AMOTL2: variants seen among roughly 807,000 people sequenced by gnomAD.
AMOTL2 encodes the protein angiomotin-like protein 2.
Under a neutral mutation model 78.4 loss-of-function variants are expected in AMOTL2, and 33 were observed. The observed-to-expected ratio is 0.42, with a 90% CI of 0.32 to 0.56. The LOEUF is 0.56. AMOTL2 is among the 20% of genes least tolerant of loss of function. The pLI is 0.12. For missense variants in AMOTL2, 983 were observed against 1,030.1 expected (o/e 0.95, Z 0.63); for synonymous variants, 422 against 428.8 (o/e 0.98, Z 0.20).
chr3:134,373,840 G>A (rs2017979956), intron 1 of AMOTL2: 1 of 985,138 alleles, frequency 1.0e-6, no homozygotes, highest in Non-Finnish European at 1.2e-6. Context: ...GGGCTGGACA[G>A]CAGGCTGCAT....
intron 6 of AMOTL2, among the ~76,000 whole-genome samples, chr3:134,361,145 T>C (rs2017340487): frequency 6.6e-6 from 1 of 151,562 alleles, no homozygotes; most frequent in South Asian, 2.1e-4. Context: ...CACTCCAGCC[T>C]GGGCGACAGA....
At chr3:134,370,122 T>C (rs1419513888) in intron 2 of AMOTL2, among the ~76,000 whole-genome samples, 2 of 152,198 alleles carry the variant, frequency 1.3e-5, no homozygotes, top group African/African-American at 2.4e-5. Context: ...CCCAGAATCC[T>C]TTCCCACTGC....
rs199588964 is a variant in AMOTL2, at chr3:134,370,992, G to A, written c.442C>T (p.Arg148Trp). The A allele has an allele frequency of 9.3e-5, 149 of 1,602,778 alleles. No individual in the cohort carries two copies. The Middle Eastern group carries it at 2.5e-3, about 27-fold the overall frequency. The change falls in exon 2 of 10, where the codon CGG (arginine) becomes TGG (tryptophan). Residue 148 changes from arginine (R) to tryptophan (W), a missense_variant. Physicochemically the swap from Arg to Trp is moderately radical, Grantham distance 101. Coordinates refer to ENST00000249883, the MANE Select transcript of AMOTL2 (RefSeq NM_016201.4). The part of the protein sequence containing the change: ...GGSRRQDEAL[R>W]ELRHGHVRSL... The stretch of plus-strand genomic sequence containing the variant: ...CGCACGTGCCCATGCCTCAGCTCCC[G>A]CAGGGCCTCGTCCTGCCTCCGACTG...
intron 3 of AMOTL2, 21 bp downstream of exon 3, chr3:134,367,476 T>C (rs1368609360): frequency 6.2e-7 from 1 of 1,608,394 alleles, no homozygotes; most frequent in Non-Finnish European, 8.5e-7. Context: ...TCTGCCCTTC[T>C]GAAGCCCCAG....
chr3:134,365,567 G>C (rs901945633), intron 5 of AMOTL2, among the ~76,000 whole-genome samples: 4 of 152,192 alleles, frequency 2.6e-5, no homozygotes, highest in African/African-American at 9.7e-5. Flanking sequence ...GCAAATCACT[G>C]CTCCCTGGCT....
intron 1 of AMOTL2, among the ~76,000 whole-genome samples, chr3:134,372,548 C>CACACACACACACACACACACAA (rs1268109465): frequency 2.6e-5 from 4 of 151,744 alleles, no homozygotes; most frequent in African/African-American, 9.7e-5. Flanking sequence ...CACACACACA[C>CACACACACACACACACACACAA]ACACACACAA....
At chr3:134,369,596 C>T (rs1005831341) in intron 2 of AMOTL2, among the ~76,000 whole-genome samples, 1 of 152,216 alleles carries the variant, frequency 6.6e-6, no homozygotes, top group African/African-American at 2.4e-5. Context: ...AACTATGAGG[C>T]TCCAACCTCT....
chr3:134,358,484 C>T, intron 9 of AMOTL2, 56 bp downstream of exon 9: 1 of 1,557,088 alleles, frequency 6.4e-7, no homozygotes, highest in Non-Finnish European at 8.7e-7. Flanking sequence ...TTCCAGTTCA[C>T]ACCCCAGTGC....
intron 3 of AMOTL2, chr3:134,366,806 C>T (rs1190494267): frequency 1.1e-5 from 2 of 183,824 alleles, no homozygotes; most frequent in Non-Finnish European, 2.2e-5. Flanking sequence ...GAAGTGGGCA[C>T]CGAAAGACTC....
At chr3:134,359,198 G>C in intron 8 of AMOTL2, 85 bp downstream of exon 8, 1 of 1,485,188 alleles carries the variant, frequency 6.7e-7, no homozygotes, top group Non-Finnish European at 9.3e-7. Flanking sequence ...TATAGCCTCA[G>C]TTCTGGGAGG....
chr3:134,371,486 C>A lies in AMOTL2; in HGVS notation c.-53G>T, dbSNP rs1413790966. ...GGACAATGGCCGGTGGCACCTGGCC[C>A]CAGAGCACCTGGAGTGGGGTGGGGA... On this transcript the variant is annotated 5_prime_UTR_variant, in exon 2 of 10. Coordinates refer to ENST00000249883, the MANE Select transcript of AMOTL2 (RefSeq NM_016201.4). 2 of 1,588,502 alleles carry A rather than the reference C, an allele frequency of 1.3e-6. No homozygotes were observed. The highest frequency in any genetic ancestry group is 1.1e-5 in the South Asian group (1 of 90,888).
chr3:134,369,638 C>A (rs1370917529), intron 2 of AMOTL2, among the ~76,000 whole-genome samples: 1 of 152,192 alleles, frequency 6.6e-6, no homozygotes, highest in Non-Finnish European at 1.5e-5. Context: ...TCATGTCACT[C>A]ATTTCTCGAG....
chr3:134,364,000 G>A (rs1489995658), intron 5 of AMOTL2, among the ~76,000 whole-genome samples: 3 of 152,186 alleles, frequency 2.0e-5, no homozygotes, highest in African/African-American at 7.2e-5. Context: ...TCCTTAGTAA[G>A]AAATAAGTGG....
At chr3:134,368,367 C>T (rs2017701401) in intron 2 of AMOTL2, among the ~76,000 whole-genome samples, 1 of 152,114 alleles carries the variant, frequency 6.6e-6, no homozygotes, top group Non-Finnish European at 1.5e-5. Context: ...TATTTCAAGT[C>T]CTGCCACCCC....
At chr3:134,373,971 G>T in intron 1 of AMOTL2, 1 of 415,812 alleles carries the variant, frequency 2.4e-6, no homozygotes, top group Non-Finnish European at 3.2e-6. Flanking sequence ...AAATCAGCCC[G>T]CAGGACCCTG....
At chr3:134,372,346 C>T (rs771714855) in intron 1 of AMOTL2, among the ~76,000 whole-genome samples, 1 of 152,058 alleles carries the variant, frequency 6.6e-6, no homozygotes, top group Non-Finnish European at 1.5e-5. Flanking sequence ...GTAATTGCAC[C>T]TGAATTGGTG....
At position 134,359,975 on chromosome 3, in the gene AMOTL2, G is replaced by C. The variant is rs2017279340; in HGVS notation, c.1883+131C>G. 6 of 1,015,498 alleles carry C rather than the reference G, an allele frequency of 5.9e-6. No homozygotes were observed. The East Asian group carries it at 1.6e-4, about 27-fold the overall frequency. 62.9% of individuals were successfully genotyped at this position (1,015,498 alleles called of 1,614,324 possible). On this transcript the variant is annotated intron_variant, in intron 7 of 9. Coordinates refer to ENST00000249883, the MANE Select transcript of AMOTL2 (RefSeq NM_016201.4). The stretch of plus-strand genomic sequence containing the variant: ...CTGGTGTGCCAATCATGCAGGTTCA[G>C]CTCAGAAGCAGGAGGGACTGCTGAG...
At chr3:134,359,554 C>T in intron 7 of AMOTL2, 51 bp from the exon 8 acceptor site, 1 of 1,471,996 alleles carries the variant, frequency 6.8e-7, no homozygotes, top group Non-Finnish European at 9.4e-7. Flanking sequence ...GATCCAACAG[C>T]CTCCACCCTT....
chr3:134,370,580 T>C, intron 2 of AMOTL2, 120 bp downstream of exon 2: 14 of 1,269,206 alleles, frequency 1.1e-5, no homozygotes, highest in Non-Finnish European at 1.5e-5. Context: ...CCTTCTCAGG[T>C]TGGAGGTGGG....
Sources: allele counts gnomAD v4.1 joint callset (sites outside exome capture counted in the v4.1 genomes callset), GRCh38; gene constraint gnomAD v4.1.1; transcripts MANE v1.5; gene names NCBI Gene and HGNC (gene_info 2026-07-23, HGNC 2026-07-21).